The following UBE2R2 variants were observed in gnomAD, a reference collection of about 807,000 sequenced individuals.
UBE2R2 encodes ubiquitin conjugating enzyme E2 R2.
Under a neutral mutation model 27.8 loss-of-function variants are expected in UBE2R2, and 1 was observed. The observed-to-expected ratio is 0.04, with a 90% CI of 0.01 to 0.17. The LOEUF is 0.17. Among genes scored for constraint, UBE2R2 ranks in the 10% least tolerant of loss-of-function variants. UBE2R2 has a pLI of 1.00. For missense variants in UBE2R2, 100 were observed against 291.0 expected, an observed-to-expected ratio of 0.34 and a Z score of 4.78; for synonymous variants, 106 against 113.3, an observed-to-expected ratio of 0.94 and a Z score of 0.41.
chr9:33,911,418 A>C (rs1459779025), intron 3 of UBE2R2, among the ~76,000 whole-genome samples: 2 of 148,568 alleles, frequency 1.3e-5, no homozygotes, highest in African/African-American at 4.9e-5. Flanking sequence ...AAAAAAAAAA[A>C]AAAAAAAAAA....
At chr9:33,844,145 A>T (rs1820788120) in intron 1 of UBE2R2, among the ~76,000 whole-genome samples, 1 of 152,176 alleles carries the variant, frequency 6.6e-6, no homozygotes, top group African/African-American at 2.4e-5. Context: ...ATTACATTTT[A>T]TATTTTCATA....
At chr9:33,904,903 C>T (rs1486034145) in intron 3 of UBE2R2, among the ~76,000 whole-genome samples, 1 of 152,120 alleles carries the variant, frequency 6.6e-6, no homozygotes, top group Non-Finnish European at 1.5e-5. Flanking sequence ...AGTTGCCACA[C>T]GTCTTTGATT....
intron 1 of UBE2R2, among the ~76,000 whole-genome samples, chr9:33,866,982 A>G (rs574627270): frequency 3.3e-5 from 5 of 152,236 alleles, no homozygotes; most frequent in African/African-American, 7.2e-5. Flanking sequence ...AGAATTATCA[A>G]TGTTTTCTTT....
chr9:33,834,089 T>C (rs1820557140), intron 1 of UBE2R2, among the ~76,000 whole-genome samples: 1 of 152,212 alleles, frequency 6.6e-6, no homozygotes. Context: ...CTCTTTTGGA[T>C]GCTGTAAATG....
At chr9:33,897,459 A>G (rs995535983) in intron 2 of UBE2R2, among the ~76,000 whole-genome samples, 14 of 151,482 alleles carry the variant, frequency 9.2e-5, no homozygotes, top group Non-Finnish European at 2.1e-4. Flanking sequence ...CTGGGATTAC[A>G]GGTGCGTGCC....
intron 2 of UBE2R2, among the ~76,000 whole-genome samples, chr9:33,893,336 G>C (rs887824386): frequency 1.3e-5 from 2 of 152,080 alleles, no homozygotes; most frequent in African/African-American, 4.8e-5. Context: ...TTTGTGTCTG[G>C]CTTGTTTCAC....
At chr9:33,885,869 G>A (rs550932871) in intron 1 of UBE2R2, among the ~76,000 whole-genome samples, 1 of 152,218 alleles carries the variant, frequency 6.6e-6, no homozygotes, top group South Asian at 2.1e-4. Flanking sequence ...TATAAAATAC[G>A]GGGATACTGC....
chr9:33,853,153 A>G (rs1821006366), intron 1 of UBE2R2, among the ~76,000 whole-genome samples: 1 of 152,040 alleles, frequency 6.6e-6, no homozygotes, highest in South Asian at 2.1e-4. Context: ...AATTTGTTTC[A>G]AGTATTTATT....
intron 1 of UBE2R2, chr9:33,818,926 G>C (rs930476455): frequency 2.6e-5 from 4 of 152,110 alleles, no homozygotes; most frequent in Non-Finnish European, 4.4e-5. Flanking sequence ...TAGAACAGTG[G>C]TTATCATTCC....
chr9:33,877,246 A>G (rs1659267566), intron 1 of UBE2R2, among the ~76,000 whole-genome samples: 1 of 144,330 alleles, frequency 6.9e-6, no homozygotes, highest in African/African-American at 2.6e-5. Context: ...CAGTGGCGCG[A>G]TCTCGGCTCA....
At chr9:33,865,241 G>A (rs895075764) in intron 1 of UBE2R2, among the ~76,000 whole-genome samples, 3 of 151,746 alleles carry the variant, frequency 2.0e-5, no homozygotes, top group South Asian at 4.2e-4. Flanking sequence ...TTGCTCTGTT[G>A]CCCAGGCTGG....
In UBE2R2 at chr9:33,911,960, C is replaced by T. The variant is rs766858242; in HGVS notation, c.363-4C>T. The T allele has an allele frequency of 2.5e-6, 4 of 1,606,920 alleles. No individual in the cohort carries two copies. The highest frequency in any genetic ancestry group is 2.7e-5 in the African/African-American group (2 of 74,448). On this transcript the variant is annotated splice_region_variant and splice_polypyrimidine_tract_variant and intron_variant, in intron 3 of 4. Transcript: ENST00000263228. ...CATAGCTGATCCTTTTTTCCTGTTT[C>T]TAGGACTATCCTATTAAGTGTAATC...
intron 1 of UBE2R2, among the ~76,000 whole-genome samples, chr9:33,855,854 G>T (rs1821089620): frequency 6.6e-6 from 1 of 152,170 alleles, no homozygotes; most frequent in African/African-American, 2.4e-5. Flanking sequence ...AAGGTGGGCG[G>T]ATCACTTGAG....
intron 1 of UBE2R2, among the ~76,000 whole-genome samples, chr9:33,852,872 G>T (rs1207611135): frequency 2.0e-5 from 3 of 152,092 alleles, no homozygotes; most frequent in Admixed American, 6.6e-5. Context: ...GCTGAATACA[G>T]TGGCGCACAC....
rs1463988376 is a variant in UBE2R2, at chr9:33,861,877, G to A, written c.178-25004G>A. Among the ~76,000 whole-genome samples the A allele has an allele frequency of 4.0e-4, 53 of 132,814 alleles. 1 individual carries two copies. The highest frequency in any genetic ancestry group is 6.3e-5 in the Non-Finnish European group (4 of 63,134). The allele number at this position is 132,814 out of a possible 152,430, so 87.1% of individuals were successfully genotyped here. On this transcript the variant is annotated intron_variant, in intron 1 of 4. Transcript: ENST00000263228. ...TTTTTTTTTTTTTTTTTTTTAAGAC[G>A]GAGTCTCACACTGTCGCCCGGGCTG...
intron 1 of UBE2R2, among the ~76,000 whole-genome samples, chr9:33,845,739 A>T (rs1230917756): frequency 1.3e-5 from 2 of 152,072 alleles, no homozygotes; most frequent in African/African-American, 4.8e-5. Context: ...CGGGTACAGT[A>T]GCTCACGCCT....
chr9:33,856,513 A>G (rs1254958190), intron 1 of UBE2R2, among the ~76,000 whole-genome samples: 1 of 152,124 alleles, frequency 6.6e-6, no homozygotes, highest in African/African-American at 2.4e-5. Context: ...ATTGTGGAAC[A>G]TGAGTTTAGC....
intron 1 of UBE2R2, among the ~76,000 whole-genome samples, chr9:33,869,391 A>G (rs1821432450): frequency 6.6e-6 from 1 of 152,052 alleles, no homozygotes; most frequent in African/African-American, 2.4e-5. Context: ...AAGTCAGTTT[A>G]TACTTGGTTT....
At position 33,845,088 on chromosome 9, in the gene UBE2R2, A is replaced by T. The variant is rs1436207562; in HGVS notation, c.177+27154A>T. ...CCTGCCTTCATTGCCTTGGTTTTTA[A>T]TCAACTGTTGATGTTGCTTACAGTA... On this transcript the variant is annotated intron_variant, in intron 1 of 4. Coordinates refer to ENST00000263228, the MANE Select transcript of UBE2R2 (RefSeq NM_017811.4). 2.0e-5 allele frequency among the ~76,000 whole-genome samples: 3 copies of T among 152,040 alleles called. No individual in the cohort carries two copies. The East Asian group carries it at 5.8e-4, about 30-fold the overall frequency.
Sources: allele counts gnomAD v4.1 joint callset (sites outside exome capture counted in the v4.1 genomes callset), GRCh38; gene constraint gnomAD v4.1.1; transcripts MANE v1.5; gene names NCBI Gene and HGNC (gene_info 2026-07-23, HGNC 2026-07-21).